Variants in ANKRD6 observed in about 807,000 individuals in gnomAD.
ANKRD6 encodes the protein ankyrin repeat domain 6.
A neutral mutation model predicts 82.3 loss-of-function variants in ANKRD6; 56 were observed. The observed-to-expected ratio is 0.68, with a 90% CI of 0.55 to 0.85. ANKRD6 has a LOEUF of 0.85. Ranked by LOEUF, ANKRD6 falls within the 40% of genes least tolerant of loss-of-function variation. ANKRD6 has a pLI of 0.00. For missense variants in ANKRD6, 852 were observed against 907.6 expected (o/e 0.94, Z 0.79); for synonymous variants, 347 against 352.1 (o/e 0.99, Z 0.16).
At chr6:89,562,223 C>G (rs568296403) in intron 1 of ANKRD6, among the ~76,000 whole-genome samples, 1 of 152,292 alleles carries the variant, frequency 6.6e-6, no homozygotes, top group South Asian at 2.1e-4. Flanking sequence ...ACTCCCTTCC[C>G]CCTCCCCGGC....
At chr6:89,607,746 C>T (rs1799128479) in intron 5 of ANKRD6, among the ~76,000 whole-genome samples, 1 of 151,326 alleles carries the variant, frequency 6.6e-6, no homozygotes, top group South Asian at 2.1e-4. Flanking sequence ...ACCTCTGCCT[C>T]CTGAGTTCAA....
intron 2 of ANKRD6, among the ~76,000 whole-genome samples, chr6:89,570,063 A>ATGTG (rs10651458): frequency 0.025 from 3,791 of 148,790 alleles, 66 homozygotes; most frequent in African/African-American, 0.032. Flanking sequence ...ATGTGTGTAT[A>ATGTG]TGTGTGTGTG....
chr6:89,600,161 A>G (rs998037511), intron 3 of ANKRD6, among the ~76,000 whole-genome samples: 7 of 152,254 alleles, frequency 4.6e-5, no homozygotes, highest in Non-Finnish European at 7.3e-5. Flanking sequence ...AGCTGCTTGC[A>G]TTGAGCTAGA....
intron 1 of ANKRD6, among the ~76,000 whole-genome samples, chr6:89,508,296 T>G (rs1780116421): frequency 1.3e-5 from 2 of 152,176 alleles, no homozygotes; most frequent in South Asian, 4.1e-4. Flanking sequence ...CTGGACAATC[T>G]GCCTCCAGGA....
intron 1 of ANKRD6, among the ~76,000 whole-genome samples, chr6:89,475,871 G>GTAT (rs1296739535): frequency 2.0e-5 from 3 of 152,196 alleles, no homozygotes; most frequent in Non-Finnish European, 4.4e-5. Flanking sequence ...GTTGAATGAA[G>GTAT]TATTATGGGA....
intron 1 of ANKRD6, among the ~76,000 whole-genome samples, chr6:89,525,431 C>A (rs1425921775): frequency 6.6e-6 from 1 of 152,158 alleles, no homozygotes; most frequent in African/African-American, 2.4e-5. Context: ...CATTTCCACG[C>A]TGTTGTTTTT....
chr6:89,570,791 C>A (rs1490936348), intron 2 of ANKRD6, among the ~76,000 whole-genome samples: 1 of 152,204 alleles, frequency 6.6e-6, no homozygotes, highest in Admixed American at 6.5e-5. Context: ...TCCCTTCATC[C>A]ACTGATGGAC....
intron 1 of ANKRD6, among the ~76,000 whole-genome samples, chr6:89,464,883 A>C (rs1378189326): frequency 6.6e-6 from 1 of 152,150 alleles, no homozygotes; most frequent in Non-Finnish European, 1.5e-5. Context: ...CAATAATGCT[A>C]TTTGTTTGTG....
rs200136675 is a variant in ANKRD6, at chr6:89,533,329, G to A, written c.-143-33505G>A. 1.2e-4 allele frequency among the ~76,000 whole-genome samples: 19 copies of A among 152,316 alleles called. No homozygotes were observed. The East Asian group carries it at 2.5e-3, about 20-fold the overall frequency. On this transcript the variant is annotated intron_variant, in intron 1 of 15. Coordinates refer to ENST00000339746, the MANE Select transcript of ANKRD6 (RefSeq NM_001242809.2). The stretch of plus-strand genomic sequence containing the variant: ...GGGACTTGTCCAAGGTCATGTAGTC[G>A]TATAGAAGCTGGGCTTTAAAATAAT...
chr6:89,627,561 C>T (rs202003845), intron 13 of ANKRD6, 22 bp from the exon 14 acceptor site: 4 of 1,610,676 alleles, frequency 2.5e-6, no homozygotes, highest in South Asian at 2.2e-5. Context: ...CAGTCTTACA[C>T]TCTGCTCCAC....
At chr6:89,445,096 T>C (rs933172533) in intron 1 of ANKRD6, among the ~76,000 whole-genome samples, 3 of 152,282 alleles carry the variant, frequency 2.0e-5, no homozygotes, top group Admixed American at 1.3e-4. Context: ...TTTTCACGAA[T>C]TGAAGGCTTG....
intron 1 of ANKRD6, among the ~76,000 whole-genome samples, chr6:89,487,882 C>A (rs561672365): frequency 1.2e-4 from 19 of 152,328 alleles, no homozygotes; most frequent in Non-Finnish European, 2.2e-4. Flanking sequence ...AAATTAGCTA[C>A]ATAAATTGTG....
intron 14 of ANKRD6, among the ~76,000 whole-genome samples, 200 bp downstream of exon 14, chr6:89,627,896 C>T (rs1284676520): frequency 6.6e-6 from 1 of 152,214 alleles, no homozygotes; most frequent in Non-Finnish European, 1.5e-5. Flanking sequence ...GCTGAATATG[C>T]TGGCAACAGA....
Position 89,538,362 on chromosome 6 carries a change from C to G in ANKRD6, c.-143-28472C>G, listed in dbSNP as rs1049053701. Among the ~76,000 whole-genome samples the G allele has an allele frequency of 2.0e-5, 3 of 152,262 alleles. No homozygotes were observed. In the East Asian group the frequency reaches 5.8e-4, roughly 29 times the overall value. ...TTGACAGTAAATGTTTAGAAACTTA[C>G]AGCAATTTGACATTGCTGCAACATC... is the stretch of plus-strand genomic sequence containing the variant. On this transcript the variant is annotated intron_variant, in intron 1 of 15. Coordinates refer to ENST00000339746, the MANE Select transcript of ANKRD6 (RefSeq NM_001242809.2).
At position 89,599,883 on chromosome 6, in the gene ANKRD6, G is replaced by A. The variant is rs373219645; in HGVS notation, c.220-3146G>A. Among the ~76,000 whole-genome samples the A allele has an allele frequency of 2.0e-4, 31 of 152,130 alleles. 1 individual carries two copies. In the South Asian group the frequency reaches 4.4e-3, roughly 21 times the overall value. ...GCCAAGGACAGCCACTTTTGGTAGG[G>A]AGAGTCCGAGCCTGGCCTGACAGCA... On this transcript the variant is annotated intron_variant, in intron 3 of 15. Transcript: ENST00000339746.
intron 2 of ANKRD6, among the ~76,000 whole-genome samples, chr6:89,572,308 A>G (rs567517768): frequency 3.3e-5 from 5 of 152,300 alleles, no homozygotes; most frequent in Non-Finnish European, 7.3e-5. Context: ...CAGTTGCTGG[A>G]TCACATGGTA....
Position 89,546,008 on chromosome 6 carries a change from C to T in ANKRD6, c.-143-20826C>T, listed in dbSNP as rs143085831. ...TTTTTTAGTAGAGACGGGGTTTCAC[C>T]GTGTTATCCAGGATGGTCTTGATCT... On this transcript the variant is annotated intron_variant, in intron 1 of 15. Transcript: ENST00000339746. 5.7e-3 allele frequency among the ~76,000 whole-genome samples: 870 copies of T among 152,196 alleles called. 9 individuals carry two copies. The highest frequency in any genetic ancestry group is 0.019 in the African/African-American group (788 of 41,512).
At chr6:89,482,779 C>G (rs775241156) in intron 1 of ANKRD6, among the ~76,000 whole-genome samples, 3 of 152,136 alleles carry the variant, frequency 2.0e-5, no homozygotes, top group Non-Finnish European at 4.4e-5. Context: ...TACCCCTACT[C>G]CCACCCTCAA....
intron 2 of ANKRD6, among the ~76,000 whole-genome samples, chr6:89,582,367 T>C (rs1792749208): frequency 6.6e-6 from 1 of 152,090 alleles, no homozygotes; most frequent in Non-Finnish European, 1.5e-5. Context: ...CTTTTTTTAC[T>C]TTTTGTGGAG....
Sources: allele counts gnomAD v4.1 joint callset (sites outside exome capture counted in the v4.1 genomes callset), GRCh38; gene constraint gnomAD v4.1.1; transcripts MANE v1.5; gene names NCBI Gene and HGNC (gene_info 2026-07-23, HGNC 2026-07-21).